Variants in CWC22 observed in about 807,000 individuals in gnomAD.
The protein encoded by CWC22 is pre-mRNA-splicing factor CWC22 homolog.
CWC22 carries 53 observed loss-of-function variants against 117.2 expected under a neutral mutation model. That is an observed-to-expected ratio of 0.45 (90% CI 0.36 to 0.57). CWC22 has a LOEUF of 0.57. CWC22 is among the 20% of genes least tolerant of loss of function. The probability of loss-of-function intolerance (pLI) is 0.00; values close to 1 mark genes in which losing one functional copy is unlikely to be tolerated. For missense variants in CWC22, 980 were observed against 1,068.8 expected (o/e 0.92, Z 1.16); for synonymous variants, 360 against 355.6 (o/e 1.01, Z -0.14).
Position 179,945,632 on chromosome 2 carries a change from T to C in CWC22, c.2224A>G (p.Arg742Gly). The C allele has an allele frequency of 6.2e-7, 1 of 1,612,626 alleles. No individual in the cohort carries two copies. The highest frequency in any genetic ancestry group is 8.5e-7 in the Non-Finnish European group (1 of 1,179,488). ...TCTTGTCTTCTTTCTTTTTGTTTCC[T>C]ATCATTTGTTTGCTGGTTTCTGATC... is the stretch of plus-strand genomic sequence containing the variant. Reference protein sequence around the residue: ...KLIRNQQTNDRKQKERRQEHG... With the variant: ...KLIRNQQTNDGKQKERRQEHG... The change falls in exon 20 of 20, where the codon AGG (arginine) becomes GGG (glycine). Residue 742 changes from arginine (R) to glycine (G), a missense_variant. Arg to Gly is a moderately radical substitution (Grantham distance 125). Around this residue, in one of 3 missense-constraint regions of CWC22, gnomAD observed 306 missense variants for 296.8 expected, o/e 1.03. Coordinates refer to ENST00000410053, the MANE Select transcript of CWC22 (RefSeq NM_020943.3).
chr2:179,973,664 A>T lies in CWC22; in HGVS notation c.720T>A (p.Asn240Lys). Residue 240 changes from asparagine to lysine, a missense_variant, in exon 7 of 20, where the codon AAT becomes AAA. Physicochemically the swap from Asn to Lys is moderately conservative, Grantham distance 94. Transcript: ENST00000410053. ...CATTTCTTCGATAGCCTTTTCGAAA[A>T]TTAAGAATTAACCTTTTGAGGATTA... ...GELILKRLILNFRKGYRRNDK... is the reference protein window; with the variant it reads ...GELILKRLILKFRKGYRRNDK... The T allele has an allele frequency of 6.2e-7, 1 of 1,609,204 alleles. No individual in the cohort carries two copies. The highest frequency in any genetic ancestry group is 1.3e-5 in the African/African-American group (1 of 74,890).
At chr2:179,981,168 T>C (rs1040540810) in intron 5 of CWC22, among the ~76,000 whole-genome samples, 2 of 152,192 alleles carry the variant, frequency 1.3e-5, no homozygotes, top group Non-Finnish European at 2.9e-5. Flanking sequence ...ACTACACCCA[T>C]GAGCCAAATG....
rs768520715 is a variant in CWC22, at chr2:179,970,845, G to A, written c.952C>T (p.Arg318Cys). 28 of 1,613,152 alleles carry A rather than the reference G, an allele frequency of 1.7e-5. No homozygotes were observed. Among genetic ancestry groups the A allele is most frequent in the Admixed American group, 5.0e-5 (3 of 60,008 alleles). The change falls in exon 10 of 20, where the codon CGC becomes TGC. Residue 318 changes from arginine to cysteine, a missense_variant. Arg to Cys is a radical substitution (Grantham distance 180). Transcript: ENST00000410053. Reference protein sequence around the residue: ...SPRGINAIFERLRNILHESEI... With the variant: ...SPRGINAIFECLRNILHESEI... ...GACTCATGCAGAATGTTTCGAAGGC[G>A]TTCAAATATAGCTAAAAGTTAACAG...
intron 1 of CWC22, among the ~76,000 whole-genome samples, chr2:179,997,365 A>G (rs1687731803): frequency 6.6e-6 from 1 of 152,126 alleles, no homozygotes. Flanking sequence ...GCTACAAATT[A>G]AAATAGAATT....
chr2:179,980,235 C>T (rs1297703953), intron 5 of CWC22, among the ~76,000 whole-genome samples: 4 of 152,132 alleles, frequency 2.6e-5, no homozygotes, highest in Non-Finnish European at 5.9e-5. Context: ...ACCACAGAAG[C>T]CATCTCCAAA....
chr2:179,973,750 T>C lies in CWC22; in HGVS notation c.634A>G (p.Thr212Ala). 1 of 1,611,670 alleles carries C rather than the reference T, an allele frequency of 6.2e-7. No individual in the cohort carries two copies. Among genetic ancestry groups the C allele is most frequent in the Non-Finnish European group, 8.5e-7 (1 of 1,178,326 alleles). The stretch of plus-strand genomic sequence containing the variant: ...GCCACTAATGCTGCATAAACATGGG[T>C]GAAGATTGGAGAAGCACTCTGTGCT... ...LQAQSASPIF[T>A]HVYAALVAII... is the part of the protein sequence containing the mutation. Residue 212 changes from threonine to alanine, a missense_variant, in exon 7 of 20, where the codon ACC becomes GCC. Physicochemically the swap from Thr to Ala is moderately conservative, Grantham distance 58. Around this residue, in one of 3 missense-constraint regions of CWC22, gnomAD observed 559 missense variants for 602.3 expected, o/e 0.93. Coordinates refer to ENST00000410053, the MANE Select transcript of CWC22 (RefSeq NM_020943.3).
At chr2:179,984,630 C>A (rs1392899140) in intron 4 of CWC22, among the ~76,000 whole-genome samples, 1 of 151,796 alleles carries the variant, frequency 6.6e-6, no homozygotes, top group Admixed American at 6.6e-5. Context: ...CAACGATAAA[C>A]CATGAGAGTC....
At chr2:179,997,512 C>CTCCT (rs1687737852) in intron 1 of CWC22, among the ~76,000 whole-genome samples, 1 of 152,162 alleles carries the variant, frequency 6.6e-6, no homozygotes, top group South Asian at 2.1e-4. Flanking sequence ...AATTGCATGA[C>CTCCT]TCCTTCCAAA....
At chr2:180,004,126 T>C (rs1687912699) in intron 1 of CWC22, among the ~76,000 whole-genome samples, 1 of 152,200 alleles carries the variant, frequency 6.6e-6, no homozygotes, top group South Asian at 2.1e-4. Flanking sequence ...TGCATGAATG[T>C]ATTACCAATA....
chr2:179,964,443 T>A (rs746650461), intron 13 of CWC22, 104 bp downstream of exon 13: 3 of 590,426 alleles, frequency 5.1e-6, no homozygotes, highest in Non-Finnish European at 8.9e-6. Flanking sequence ...AATGCTGAAA[T>A]GGTGTCCAGT....
chr2:179,946,758 G>C (rs1686315523), intron 19 of CWC22, among the ~76,000 whole-genome samples: 1 of 152,090 alleles, frequency 6.6e-6, no homozygotes, highest in Non-Finnish European at 1.5e-5. Flanking sequence ...GAACAACTGG[G>C]TTTGCTTAAC....
intron 8 of CWC22, 53 bp downstream of exon 8, chr2:179,973,140 C>A (rs1250206070): frequency 2.5e-6 from 3 of 1,194,708 alleles, no homozygotes; most frequent in Middle Eastern, 1.9e-4. Context: ...GTGGCATCAA[C>A]CCTCTGGTCT....
At chr2:179,946,768 C>T (rs1262067483) in intron 19 of CWC22, among the ~76,000 whole-genome samples, 1 of 152,108 alleles carries the variant, frequency 6.6e-6, no homozygotes, top group Admixed American at 6.5e-5. Context: ...GTTTGCTTAA[C>T]AGCATGAACA....
Position 179,952,585 on chromosome 2 carries a change from A to G in CWC22, c.1703T>C (p.Ile568Thr). Residue 568 changes from isoleucine (I) to threonine (T), a missense_variant, in exon 17 of 20, where the codon ATA (isoleucine) becomes ACA (threonine). Transcript: ENST00000410053. ...TGTAGTGGTTTCTTCACTCAGTTTT[A>G]TACATTCAAGAACCTGAAAATTAAA... ...DSLPWSVLEC[I>T]KLSEETTTSS... 1 of 1,468,200 alleles carries G rather than the reference A, an allele frequency of 6.8e-7. No individual in the cohort carries two copies. The highest frequency in any genetic ancestry group is 9.1e-7 in the Non-Finnish European group (1 of 1,093,080). 90.9% of individuals were successfully genotyped at this position (1,468,200 alleles called of 1,614,324 possible). A position where few individuals can be genotyped will look rare whatever the true frequency, so the allele number is the denominator to read the frequency against.
intron 4 of CWC22, among the ~76,000 whole-genome samples, chr2:179,985,572 G>A (rs911453896): frequency 6.6e-6 from 1 of 152,002 alleles, no homozygotes; most frequent in Non-Finnish European, 1.5e-5. Flanking sequence ...TTCTAACACA[G>A]TAGTCACCCC....
intron 8 of CWC22, among the ~76,000 whole-genome samples, chr2:179,971,831 A>T (rs1430979713): frequency 6.6e-6 from 1 of 152,198 alleles, no homozygotes; most frequent in African/African-American, 2.4e-5. Flanking sequence ...AGAAGTCTAA[A>T]TCTCAACTCA....
intron 2 of CWC22, among the ~76,000 whole-genome samples, chr2:179,989,322 A>C (rs1436954318): frequency 6.6e-6 from 1 of 151,924 alleles, no homozygotes; most frequent in Non-Finnish European, 1.5e-5. Context: ...CAGTGGCATG[A>C]TCACGGCTCA....
At chr2:179,955,337 A>T (rs1038676519) in intron 14 of CWC22, among the ~76,000 whole-genome samples, 1 of 151,956 alleles carries the variant, frequency 6.6e-6, no homozygotes, top group Non-Finnish European at 1.5e-5. Context: ...TGAGGGAGAG[A>T]TTTAATACAC....
Position 179,950,752 on chromosome 2 carries a change from G to A in CWC22, c.1920-20C>T, listed in dbSNP as rs1261075447. ...TCATCCCTAATTTAAAATATAATCT[G>A]TTAGATTCTATTTCAAAGACAATTA... is the stretch of plus-strand genomic sequence containing the variant. On this transcript the variant is annotated intron_variant, in intron 18 of 19. Coordinates refer to ENST00000410053, the MANE Select transcript of CWC22 (RefSeq NM_020943.3). 2 of 1,598,356 alleles carry A rather than the reference G, an allele frequency of 1.3e-6. No homozygotes were observed. Among genetic ancestry groups the A allele is most frequent in the Middle Eastern group, 1.7e-4 (1 of 6,020 alleles).
Sources: gnomAD v4.1 joint callset for allele counts (sites outside exome capture counted in the v4.1 genomes callset) on GRCh38, gnomAD v4.1.1 for gene constraint, gnomAD v4.1.1 regional missense constraint, MANE v1.5 for transcripts, NCBI Gene and HGNC (gene_info 2026-07-23, HGNC 2026-07-21) for gene names.